The following NLGN4X variants were observed in gnomAD, a reference collection of about 807,000 sequenced individuals.
The protein encoded by NLGN4X is neuroligin 4 X-linked.
In NLGN4X, 3 loss-of-function variants were observed where a neutral mutation model predicts 40.3. The observed-to-expected ratio is 0.07, with a 90% confidence interval of 0.03 to 0.19. The LOEUF (loss-of-function observed/expected upper bound fraction) is 0.19. Among genes scored for constraint, NLGN4X ranks in the 10% least tolerant of loss-of-function variants. The pLI is 1.00. For synonymous variants in NLGN4X, 270 were observed against 306.8 expected (o/e 0.88, Z 1.25); for missense variants, 382 against 708.3 (o/e 0.54, Z 5.23).
chrX:6,059,849 T>C (rs2037726721), intron 2 of NLGN4X, among the ~76,000 whole-genome samples: 1 of 111,855 alleles, frequency 8.9e-6, no homozygotes, highest in Admixed American at 9.5e-5. Context: ...TCAAACTAAG[T>C]AATTTTTCAG....
At chrX:5,906,442 G>T (rs1255441511) in intron 4 of NLGN4X, among the ~76,000 whole-genome samples, 1 of 111,829 alleles carries the variant, frequency 8.9e-6, no homozygotes, top group Non-Finnish European at 1.9e-5. Context: ...CAGCGATCCA[G>T]AAACTTGTCC....
chrX:6,033,683 G>A (rs1024908478), intron 2 of NLGN4X, among the ~76,000 whole-genome samples: 8 of 102,576 alleles, frequency 7.8e-5, no homozygotes, highest in Non-Finnish European at 1.4e-4. Context: ...ATCTGCATAG[G>A]AATTTTAATA....
intron 3 of NLGN4X, among the ~76,000 whole-genome samples, chrX:5,921,441 A>AGAG (rs2033061446): frequency 1.2e-5 from 1 of 81,342 alleles, no homozygotes; most frequent in South Asian, 6.1e-4. Context: ...GAGAGGAGAG[A>AGAG]CAGAGACAGA....
chrX:6,141,884 AAAAT>A (rs1263613797), intron 2 of NLGN4X, among the ~76,000 whole-genome samples: 23 of 111,911 alleles, frequency 2.1e-4, no homozygotes, highest in African/African-American at 7.1e-4. Context: ...AATAGTACGG[AAAAT>A]AAATAACCAT....
chrX:6,177,795 GC>G (rs1920991920), intron 1 of NLGN4X, among the ~76,000 whole-genome samples: 1 of 111,057 alleles, frequency 9.0e-6, no homozygotes, highest in Non-Finnish European at 1.9e-5. Flanking sequence ...GAATGTTTGT[GC>G]CCCTCCAAAT....
At chrX:6,119,021 A>G (rs1354662691) in intron 2 of NLGN4X, among the ~76,000 whole-genome samples, 1 of 112,241 alleles carries the variant, frequency 8.9e-6, no homozygotes. Flanking sequence ...GTCCATTCCT[A>G]TTATTCCTTA....
chrX:5,907,559 G>A (rs537484586), intron 4 of NLGN4X, among the ~76,000 whole-genome samples: 3 of 111,697 alleles, frequency 2.7e-5, no homozygotes, highest in Non-Finnish European at 3.8e-5. Context: ...CTGACTACAC[G>A]TTCAAGTGCA....
chrX:5,967,577 C>T (rs2034870430), intron 3 of NLGN4X, among the ~76,000 whole-genome samples: 1 of 103,001 alleles, frequency 9.7e-6, no homozygotes, highest in South Asian at 4.4e-4. Context: ...TGCTTCTGTG[C>T]ATGAACCTTT....
chrX:6,160,533 A>T (rs2040362474), intron 1 of NLGN4X, among the ~76,000 whole-genome samples: 1 of 89,710 alleles, frequency 1.1e-5, no homozygotes, highest in Non-Finnish European at 2.2e-5. Flanking sequence ...TCTATAAAAT[A>T]ATTTTTTTTT....
At chrX:5,919,997 T>C (rs909105412) in intron 3 of NLGN4X, among the ~76,000 whole-genome samples, 1 of 112,197 alleles carries the variant, frequency 8.9e-6, no homozygotes, top group Non-Finnish European at 1.9e-5. Context: ...CTTGCGGTTC[T>C]TACATTTTGT....
chrX:6,205,300 G>A (rs1291422978), intron 1 of NLGN4X, among the ~76,000 whole-genome samples: 1 of 112,059 alleles, frequency 8.9e-6, no homozygotes, highest in Non-Finnish European at 1.9e-5. Context: ...CTCCAGCAGA[G>A]CACACACTCC....
intron 3 of NLGN4X, among the ~76,000 whole-genome samples, chrX:6,010,427 T>C (rs192764988): frequency 2.8e-3 from 304 of 110,138 alleles, no homozygotes; most frequent in African/African-American, 9.6e-3. Context: ...TGAATGAGTC[T>C]GTAGTTTAGT....
At chrX:6,005,086 C>T (rs1195802900) in intron 3 of NLGN4X, among the ~76,000 whole-genome samples, 2 of 112,207 alleles carry the variant, frequency 1.8e-5, no homozygotes, top group East Asian at 2.8e-4. Context: ...AAGATAAGTG[C>T]TTCTTTCAAT....
chrX:5,900,722 T>C (rs2031810564), intron 5 of NLGN4X, among the ~76,000 whole-genome samples: 1 of 108,310 alleles, frequency 9.2e-6, no homozygotes, highest in Admixed American at 9.9e-5. Context: ...TCTCGGCATA[T>C]GCTACCATGC....
chrX:6,058,019 T>C (rs1391906956), intron 2 of NLGN4X, among the ~76,000 whole-genome samples: 1 of 111,548 alleles, frequency 9.0e-6, no homozygotes, highest in African/African-American at 3.3e-5. Context: ...TGAAATATCA[T>C]AAAAATACGT....
At chrX:6,038,230 C>G (rs998042145) in intron 2 of NLGN4X, among the ~76,000 whole-genome samples, 1 of 111,493 alleles carries the variant, frequency 9.0e-6, no homozygotes, top group Non-Finnish European at 1.9e-5. Flanking sequence ...CACAGAAGAT[C>G]TGGGGCCAGG....
chrX:6,227,710 G>A (rs986281163), intron 1 of NLGN4X: 1 of 110,954 alleles, frequency 9.0e-6, no homozygotes. Context: ...CTTCACGCGG[G>A]GTCTCCAGCG....
intron 5 of NLGN4X, among the ~76,000 whole-genome samples, chrX:5,901,199 T>C (rs1164385597): frequency 8.9e-6 from 1 of 112,138 alleles, no homozygotes; most frequent in Non-Finnish European, 1.9e-5. Flanking sequence ...CACTTTGGAA[T>C]CTTTGTACAG....
chrX:5,970,062 T>C (rs1350898301), intron 3 of NLGN4X, among the ~76,000 whole-genome samples: 6 of 106,908 alleles, frequency 5.6e-5, no homozygotes, highest in African/African-American at 1.4e-4. Context: ...TTTGGAGATA[T>C]ACCTAATGTT....
Sources: gnomAD v4.1 joint callset for allele counts (sites outside exome capture counted in the v4.1 genomes callset) on GRCh38, gnomAD v4.1.1 for gene constraint, MANE v1.5 for transcripts, NCBI Gene and HGNC (gene_info 2026-07-23, HGNC 2026-07-21) for gene names.